Variants in KANK1 observed in about 807,000 individuals in gnomAD.
KANK1 encodes KN motif and ankyrin repeat domain-containing protein 1.
KANK1 carries 109 observed loss-of-function variants against 106.2 expected under a neutral mutation model. That is an observed-to-expected ratio of 1.03 (90% CI 0.88 to 1.20). The LOEUF is 1.20. KANK1 is among the 50% of genes most tolerant of loss of function. The probability of loss-of-function intolerance (pLI) is 0.00; values close to 1 mark genes in which losing one functional copy is unlikely to be tolerated. For missense variants in KANK1, 2,399 were observed against 1,710.7 expected (o/e 1.40, Z -7.10); for synonymous variants, 873 against 652.2 (o/e 1.34, Z -5.16).
At position 665,044 on chromosome 9, in the gene KANK1, C is replaced by G. The variant is rs141198912; in HGVS notation, c.-83-11846C>G. ...ACTTTTTGCTATTGAGTTGTTTGAGCTCCTTATATATTCTGGTTATTTATC... is the reference window on the plus strand; with the variant it reads ...ACTTTTTGCTATTGAGTTGTTTGAGGTCCTTATATATTCTGGTTATTTATC... On this transcript the variant is annotated intron_variant, in intron 1 of 11. Coordinates refer to ENST00000382297, the MANE Select transcript of KANK1 (RefSeq NM_015158.5). Among the ~76,000 whole-genome samples, 5 of 152,198 alleles carry G rather than the reference C, an allele frequency of 3.3e-5. No homozygotes were observed. The East Asian group carries it at 9.6e-4, about 29-fold the overall frequency.
chr9:680,347 G>C (rs1378266271), intron 2 of KANK1, among the ~76,000 whole-genome samples: 1 of 151,966 alleles, frequency 6.6e-6, no homozygotes, highest in Non-Finnish European at 1.5e-5. Flanking sequence ...ATGGGATAAG[G>C]GGTGATTCAC....
At chr9:553,303 AATG>A (rs1367076603) in intron 1 of KANK1, among the ~76,000 whole-genome samples, 3 of 152,232 alleles carry the variant, frequency 2.0e-5, no homozygotes, top group African/African-American at 7.2e-5. Flanking sequence ...CTTAGCTAAT[AATG>A]ATAAAATTAC....
intron 1 of KANK1, among the ~76,000 whole-genome samples, chr9:655,199 G>C (rs936235590): frequency 6.6e-6 from 1 of 151,916 alleles, no homozygotes; most frequent in African/African-American, 2.4e-5. Flanking sequence ...GTGAAACCTC[G>C]TCTCTACTAA....
At position 573,742 on chromosome 9, in the gene KANK1, T is replaced by A. The variant is rs1225461890; in HGVS notation, c.-84+68988T>A. 2.0e-5 allele frequency among the ~76,000 whole-genome samples: 3 copies of A among 151,850 alleles called. No homozygotes were observed. In the East Asian group the frequency reaches 5.8e-4, roughly 29 times the overall value. On this transcript the variant is annotated intron_variant, in intron 1 of 11. Coordinates refer to ENST00000382297, the MANE Select transcript of KANK1 (RefSeq NM_015158.5). ...TCCCACCCCCACCTCACCCATTGAT[T>A]GATGGTTTGCTTTCGAAATCCTGAG...
At chr9:700,078 A>C (rs1822271514) in intron 2 of KANK1, among the ~76,000 whole-genome samples, 1 of 152,232 alleles carries the variant, frequency 6.6e-6, no homozygotes, top group Non-Finnish European at 1.5e-5. Context: ...CTGTGAGGAG[A>C]AGCATTTCAG....
At chr9:486,961 A>C (rs2058303999) in intron 3 of KANK1, among the ~76,000 whole-genome samples, 1 of 152,212 alleles carries the variant, frequency 6.6e-6, no homozygotes, top group African/African-American at 2.4e-5. Flanking sequence ...ATTGATATTT[A>C]ATATGATATG....
At chr9:716,549 A>C (rs1365323691) in intron 3 of KANK1, among the ~76,000 whole-genome samples, 1 of 152,194 alleles carries the variant, frequency 6.6e-6, no homozygotes, top group Non-Finnish European at 1.5e-5. Context: ...CAAAATTGAT[A>C]AATGTTCAGT....
intron 3 of KANK1, 113 bp from the exon 4 acceptor site, chr9:729,938 G>C: frequency 1.1e-6 from 1 of 907,978 alleles, no homozygotes; most frequent in South Asian, 1.8e-5. Context: ...CTGAGTTTTG[G>C]TGGCTGGGAT....
chr9:615,973 C>G (rs1177816891), intron 1 of KANK1, among the ~76,000 whole-genome samples: 1 of 152,140 alleles, frequency 6.6e-6, no homozygotes, highest in Non-Finnish European at 1.5e-5. Flanking sequence ...TTTGCCTGCC[C>G]AGACAAGCCT....
chr9:659,529 C>G (rs1023113402), intron 1 of KANK1, among the ~76,000 whole-genome samples: 2 of 152,092 alleles, frequency 1.3e-5, no homozygotes, highest in African/African-American at 2.4e-5. Context: ...TGTTCTTGTA[C>G]TGCTATGAAG....
In KANK1 at chr9:648,201, A is replaced by G. The variant is rs558385660; in HGVS notation, c.-83-28689A>G. ...ATATTTTTAGTAGAGACGGGGTGTC[A>G]TCATGTTGGTAAGGATGGTCTCAAT... On this transcript the variant is annotated intron_variant, in intron 1 of 11. Coordinates refer to ENST00000382297, the MANE Select transcript of KANK1 (RefSeq NM_015158.5). Among the ~76,000 whole-genome samples the G allele has an allele frequency of 4.6e-4, 66 of 143,402 alleles. 5 individuals are homozygous for G. Among genetic ancestry groups the G allele is most frequent in the African/African-American group, 1.8e-3 (60 of 33,452 alleles). The allele number at this position is 143,402 out of a possible 152,430, so 94.1% of individuals were successfully genotyped here. A position where few individuals can be genotyped will look rare whatever the true frequency, so the allele number is the denominator to read the frequency against.
intron 1 of KANK1, among the ~76,000 whole-genome samples, chr9:556,528 G>C (rs1198751772): frequency 6.6e-6 from 1 of 152,168 alleles, no homozygotes; most frequent in African/African-American, 2.4e-5. Context: ...ACTAAAATTT[G>C]AGGAATTAGA....
intron 3 of KANK1, among the ~76,000 whole-genome samples, chr9:727,824 C>G (rs918672230): frequency 1.3e-5 from 2 of 151,952 alleles, no homozygotes; most frequent in African/African-American, 2.4e-5. Context: ...CCACATCACC[C>G]ACATTGAAAA....
intron 1 of KANK1, among the ~76,000 whole-genome samples, chr9:605,849 G>C (rs910707389): frequency 3.3e-5 from 5 of 151,670 alleles, no homozygotes; most frequent in Non-Finnish European, 7.3e-5. Flanking sequence ...GTTGAGCAGT[G>C]ATCAAGATGG....
chr9:744,412 G>GTGTTT (rs1836630331), intron 10 of KANK1, 79 bp from the exon 11 acceptor site: 1 of 1,478,792 alleles, frequency 6.8e-7, no homozygotes, highest in African/African-American at 1.4e-5. Flanking sequence ...TTATTGGAGG[G>GTGTTT]TGTTTTGTTC....
At chr9:591,062 G>A (rs1824757746) in intron 1 of KANK1, among the ~76,000 whole-genome samples, 1 of 151,598 alleles carries the variant, frequency 6.6e-6, no homozygotes, top group African/African-American at 2.4e-5. Context: ...CTTTTCATAT[G>A]CCATTTATAT....
In KANK1 at chr9:653,829, C is replaced by G. The variant is rs192297317; in HGVS notation, c.-83-23061C>G. 7.9e-4 allele frequency among the ~76,000 whole-genome samples: 121 copies of G among 152,288 alleles called. 2 individuals are homozygous for G. Among genetic ancestry groups the G allele is most frequent in the African/African-American group, 2.9e-3 (119 of 41,552 alleles). ...TGAACAAGCCTCATCACATTGGATA[C>G]TTAGTGTTGTCTTTGTGTTTACAGT... On this transcript the variant is annotated intron_variant, in intron 1 of 11. Coordinates refer to ENST00000382297, the MANE Select transcript of KANK1 (RefSeq NM_015158.5).
intron 1 of KANK1, among the ~76,000 whole-genome samples, chr9:609,110 C>T (rs749150177): frequency 2.7e-5 from 4 of 150,346 alleles, no homozygotes; most frequent in Non-Finnish European, 5.9e-5. Flanking sequence ...CTTCAGAAAG[C>T]TGGCTGAAAA....
intron 1 of KANK1, among the ~76,000 whole-genome samples, chr9:506,224 T>TA (rs2058750149): frequency 6.6e-6 from 1 of 152,172 alleles, no homozygotes; most frequent in Non-Finnish European, 1.5e-5. Context: ...TTTTCTAAGA[T>TA]AGAGACTGAG....
Sources: gnomAD v4.1 joint callset for allele counts (sites outside exome capture counted in the v4.1 genomes callset) on GRCh38, gnomAD v4.1.1 for gene constraint, MANE v1.5 for transcripts, NCBI Gene and HGNC (gene_info 2026-07-23, HGNC 2026-07-21) for gene names.